COP1: variants seen among roughly 807,000 people sequenced by gnomAD.
COP1 encodes the protein E3 ubiquitin-protein ligase COP1.
A neutral mutation model predicts 101.3 loss-of-function variants in COP1; 24 were observed. That is an observed-to-expected ratio of 0.24 (90% CI 0.17 to 0.33). The LOEUF (loss-of-function observed/expected upper bound fraction) is 0.33, where lower values mean the gene tolerates loss of function less well. COP1 is among the 10% of genes least tolerant of loss of function. COP1 has a pLI of 1.00. For missense variants in COP1, 663 were observed against 906.2 expected (o/e 0.73, Z 3.45); for synonymous variants, 347 against 341.9 (o/e 1.01, Z -0.17).
rs75880956 is a variant in COP1, at chr1:176,189,438, T to A, written c.408-4746A>T. ...ATTTTTTAGTGAGAAACAAAAATAC[T>A]TCTTTAAAATACTAAGAGAAAAAAC... On this transcript the variant is annotated intron_variant, in intron 1 of 19. Coordinates refer to ENST00000367669, the MANE Select transcript of COP1 (RefSeq NM_022457.7). Among the ~76,000 whole-genome samples, 751 of 152,096 alleles carry A rather than the reference T, an allele frequency of 4.9e-3. 7 individuals are homozygous for A. Among genetic ancestry groups the A allele is most frequent in the Non-Finnish European group, 8.2e-3 (560 of 67,968 alleles).
At chr1:176,070,234 G>T (rs1676720015) in intron 11 of COP1, among the ~76,000 whole-genome samples, 1 of 151,616 alleles carries the variant, frequency 6.6e-6, no homozygotes, top group Non-Finnish European at 1.5e-5. Flanking sequence ...CGAAGTTCTG[G>T]CTACCCTAGT....
intron 9 of COP1, among the ~76,000 whole-genome samples, chr1:176,106,856 T>G (rs1237081261): frequency 6.6e-6 from 1 of 152,152 alleles, no homozygotes; most frequent in Non-Finnish European, 1.5e-5. Flanking sequence ...GTGAATCCAT[T>G]GAGTGGTTAC....
At chr1:176,159,196 A>T (rs1211681698) in intron 5 of COP1, among the ~76,000 whole-genome samples, 1 of 152,242 alleles carries the variant, frequency 6.6e-6, no homozygotes, top group East Asian at 1.9e-4. Flanking sequence ...GCACACACAC[A>T]TACACAAATC....
intron 15 of COP1, among the ~76,000 whole-genome samples, chr1:176,026,599 T>C (rs1667707926): frequency 1.3e-5 from 2 of 152,120 alleles, no homozygotes; most frequent in Admixed American, 6.5e-5. Context: ...TTTACCCACA[T>C]CTACTTGTTA....
At chr1:176,135,364 A>G (rs1689638194) in intron 7 of COP1, among the ~76,000 whole-genome samples, 1 of 152,086 alleles carries the variant, frequency 6.6e-6, no homozygotes, top group African/African-American at 2.4e-5. Flanking sequence ...GCAAAAAAAG[A>G]TAAATGTAAA....
rs1425006375 is a variant in COP1 at position 176,184,754 on chromosome 1, A to T, written c.408-62T>A. 3 of 1,186,576 alleles carry T rather than the reference A, an allele frequency of 2.5e-6. No individual in the cohort carries two copies. In the African/African-American group the frequency reaches 4.6e-5, roughly 18 times the overall value. 73.5% of individuals were successfully genotyped at this position (1,186,576 alleles called of 1,614,324 possible). A position where few individuals can be genotyped will look rare whatever the true frequency, so the allele number is the denominator to read the frequency against. On this transcript the variant is annotated intron_variant, in intron 1 of 19. Transcript: ENST00000367669. ...AAGTAGAGTGATTACAAATTGGAAA[A>T]GACTAGTAACAATACCAATGAAATC...
chr1:176,089,708 T>C (rs1680934863), intron 9 of COP1, among the ~76,000 whole-genome samples: 1 of 152,206 alleles, frequency 6.6e-6, no homozygotes. Flanking sequence ...CAAATTCCTA[T>C]TTAAGGAGAC....
chr1:176,195,205 G>C (rs1462193308), intron 1 of COP1, among the ~76,000 whole-genome samples: 2 of 151,950 alleles, frequency 1.3e-5, no homozygotes, highest in African/African-American at 4.8e-5. Context: ...AAGCTGAAGA[G>C]GCTATATTAA....
chr1:176,054,086 T>C (rs1175126864), intron 11 of COP1, among the ~76,000 whole-genome samples: 9 of 152,052 alleles, frequency 5.9e-5, no homozygotes, highest in Non-Finnish European at 1.5e-5. Context: ...CCACTCACTC[T>C]TGAAAGAAGT....
chr1:175,968,717 G>A (rs939131222), intron 18 of COP1, among the ~76,000 whole-genome samples: 1 of 152,182 alleles, frequency 6.6e-6, no homozygotes, highest in African/African-American at 2.4e-5. Context: ...GGGAGAAAAG[G>A]CTGTGAAGAA....
intron 5 of COP1, among the ~76,000 whole-genome samples, chr1:176,152,729 T>C (rs891925988): frequency 1.3e-5 from 2 of 152,208 alleles, no homozygotes; most frequent in Non-Finnish European, 2.9e-5. Context: ...CGTGAGCCAC[T>C]GTGCCCAGCT....
At chr1:175,992,399 A>T (rs1026831546) in intron 15 of COP1, among the ~76,000 whole-genome samples, 1 of 152,154 alleles carries the variant, frequency 6.6e-6, no homozygotes, top group Admixed American at 6.5e-5. Context: ...TGGGTGCAGG[A>T]GAGTGGGTGC....
chr1:176,017,250 TAAGAC>T (rs1237068513), intron 15 of COP1: 1 of 152,094 alleles, frequency 6.6e-6, no homozygotes, highest in African/African-American at 2.4e-5. Context: ...CAAAAAGCAA[TAAGAC>T]ATAAAGGAAG....
At chr1:176,185,055 G>T (rs181876820) in intron 1 of COP1, among the ~76,000 whole-genome samples, 116 of 152,198 alleles carry the variant, frequency 7.6e-4, no homozygotes, top group Non-Finnish European at 1.0e-3. Context: ...TCAAAAGCGT[G>T]TACCGAGACC....
intron 5 of COP1, among the ~76,000 whole-genome samples, chr1:176,153,320 A>G (rs1034394491): frequency 6.6e-6 from 1 of 152,192 alleles, no homozygotes; most frequent in Admixed American, 6.5e-5. Flanking sequence ...AAAAAATACT[A>G]CAGTTTGGAA....
chr1:176,190,649 AG>A (rs1317400352), intron 1 of COP1, among the ~76,000 whole-genome samples: 2 of 151,990 alleles, frequency 1.3e-5, no homozygotes, highest in African/African-American at 4.8e-5. Flanking sequence ...ATCCGGCCCA[AG>A]TAACATCGTT....
At chr1:175,970,867 G>A (rs978154776) in intron 18 of COP1, among the ~76,000 whole-genome samples, 5 of 152,100 alleles carry the variant, frequency 3.3e-5, no homozygotes, top group African/African-American at 4.8e-5. Flanking sequence ...TTTTCTGAAA[G>A]ACCTGGGTCA....
chr1:176,077,550 G>A (rs1002501347), intron 11 of COP1, among the ~76,000 whole-genome samples: 1 of 152,086 alleles, frequency 6.6e-6, no homozygotes, highest in Non-Finnish European at 1.5e-5. Context: ...ACTTAATAGT[G>A]AATGGGCAAA....
At chr1:176,186,364 A>C (rs1021293664) in intron 1 of COP1, among the ~76,000 whole-genome samples, 14 of 151,838 alleles carry the variant, frequency 9.2e-5, no homozygotes, top group African/African-American at 3.4e-4. Context: ...TAAAAAAAAA[A>C]ACACAAAAAC....
Sources: gnomAD v4.1 joint callset for allele counts (sites outside exome capture counted in the v4.1 genomes callset) on GRCh38, gnomAD v4.1.1 for gene constraint, MANE v1.5 for transcripts, NCBI Gene and HGNC (gene_info 2026-07-23, HGNC 2026-07-21) for gene names.